Variants in GALK2 observed in about 807,000 individuals in gnomAD.
GALK2 encodes the protein N-acetylgalactosamine kinase.
In GALK2, 36 loss-of-function variants were observed where a neutral mutation model predicts 52.4. The observed-to-expected ratio is 0.69, with a 90% CI of 0.53 to 0.91. GALK2 has a LOEUF of 0.91. Ranked by LOEUF, GALK2 falls within the 40% of genes least tolerant of loss-of-function variation. The pLI is 0.00. For missense variants in GALK2, 579 were observed against 559.1 expected (o/e 1.04, Z -0.36); for synonymous variants, 176 against 199.1 (o/e 0.88, Z 0.98).
At chr15:49,225,318 G>A in intron 3 of GALK2, 1 of 447,330 alleles carries the variant, frequency 2.2e-6, no homozygotes, top group Non-Finnish European at 4.5e-6. Context: ...ACTGCTTCAT[G>A]GCCTGTTCAG....
At chr15:49,295,024 T>C (rs1438391006) in intron 8 of GALK2, among the ~76,000 whole-genome samples, 1 of 152,124 alleles carries the variant, frequency 6.6e-6, no homozygotes, top group Non-Finnish European at 1.5e-5. Flanking sequence ...AAACTATTGC[T>C]CTATACTCTA....
chr15:49,317,385 C>T (rs573238708), intron 8 of GALK2, among the ~76,000 whole-genome samples: 1 of 113,608 alleles, frequency 8.8e-6, no homozygotes, highest in African/African-American at 2.8e-5. Context: ...GTTAGAAAGG[C>T]GGTTATTAAA....
intron 2 of GALK2, among the ~76,000 whole-genome samples, chr15:49,208,541 T>G (rs192494469): frequency 2.8e-4 from 42 of 152,350 alleles, no homozygotes; most frequent in African/African-American, 9.6e-4. Flanking sequence ...TCAATTTTCT[T>G]AAATTTATTA....
rs1376622810 is a variant in GALK2 at position 49,201,200 on chromosome 15, G to T, written c.92G>T (p.Gly31Val). 3 of 1,609,716 alleles carry T rather than the reference G, an allele frequency of 1.9e-6. No homozygotes were observed. The East Asian group carries it at 6.7e-5, about 36-fold the overall frequency. The change falls in exon 2 of 10, where the codon GGA becomes GTA. Residue 31 changes from glycine (G) to valine (V), a missense_variant. By Grantham distance (109) the Gly-to-Val change is moderately radical (BLOSUM62 -3). Transcript: ENST00000560031. Reference sequence around the variant, plus strand: ...AAGGAGATGTTTAACTCCAAGTTTGGATCTATTCCCAAGTTTTATGTTCGA... The same window carrying T: ...AAGGAGATGTTTAACTCCAAGTTTGTATCTATTCCCAAGTTTTATGTTCGA... ...KLKEMFNSKFGSIPKFYVRAP... is the reference protein window; with the variant it reads ...KLKEMFNSKFVSIPKFYVRAP...
intron 5 of GALK2, among the ~76,000 whole-genome samples, chr15:49,261,367 T>C (rs2092101008): frequency 1.4e-5 from 2 of 146,300 alleles, no homozygotes; most frequent in South Asian, 2.3e-4. Context: ...AGCTGTCTGT[T>C]TGTCTGTTAT....
chr15:49,360,163 G>A (rs921782856), intron 3 of GALK2, among the ~76,000 whole-genome samples: 1 of 150,874 alleles, frequency 6.6e-6, no homozygotes, highest in Non-Finnish European at 1.5e-5. Context: ...TGGGTGCAGC[G>A]CACCAGCATG....
chr15:49,343,409 C>A (rs1365713338), intron 3 of GALK2, among the ~76,000 whole-genome samples: 3 of 152,134 alleles, frequency 2.0e-5, no homozygotes, highest in Non-Finnish European at 4.4e-5. Context: ...TCTCTTACTT[C>A]ATTTCCTGAA....
intron 1 of GALK2, among the ~76,000 whole-genome samples, chr15:49,163,550 T>G (rs2084723415): frequency 6.6e-6 from 1 of 152,256 alleles, no homozygotes; most frequent in Admixed American, 6.5e-5. Context: ...CATATGGATG[T>G]CAAATTGTTC....
chr15:49,264,398 C>T (rs966322367), intron 5 of GALK2, among the ~76,000 whole-genome samples: 24 of 152,278 alleles, frequency 1.6e-4, no homozygotes, highest in Non-Finnish European at 2.1e-4. Flanking sequence ...ACGTAGTTCT[C>T]GAGCCTTGGC....
chr15:49,178,209 A>G (rs2085640380), intron 1 of GALK2, among the ~76,000 whole-genome samples: 3 of 114,366 alleles, frequency 2.6e-5, no homozygotes, highest in Non-Finnish European at 5.3e-5. Context: ...ATATATATAT[A>G]TATATATATA....
At chr15:49,304,301 T>C (rs2035364145) in intron 8 of GALK2, among the ~76,000 whole-genome samples, 1 of 152,202 alleles carries the variant, frequency 6.6e-6, no homozygotes, top group Non-Finnish European at 1.5e-5. Context: ...ACTGGTAAGC[T>C]CAAACTGATT....
chr15:49,337,456 T>G (rs1465847861), intron 3 of GALK2, among the ~76,000 whole-genome samples: 1 of 150,798 alleles, frequency 6.6e-6, no homozygotes, highest in Non-Finnish European at 1.5e-5. Flanking sequence ...TGCTAAGCAT[T>G]TTTGCATATG....
chr15:49,248,138 C>A (rs565119140), intron 5 of GALK2, among the ~76,000 whole-genome samples: 18 of 152,214 alleles, frequency 1.2e-4, no homozygotes, highest in African/African-American at 4.1e-4. Flanking sequence ...TGAAATATTT[C>A]TTGGCCTTCA....
chr15:49,220,943 C>T (rs369454048), intron 3 of GALK2, among the ~76,000 whole-genome samples: 1 of 152,218 alleles, frequency 6.6e-6, no homozygotes, highest in African/African-American at 2.4e-5. Flanking sequence ...CTAGTTTTTA[C>T]TATCGAGTGT....
At chr15:49,180,884 A>G (rs914926840) in intron 1 of GALK2, among the ~76,000 whole-genome samples, 8 of 152,010 alleles carry the variant, frequency 5.3e-5, no homozygotes, top group African/African-American at 1.9e-4. Flanking sequence ...TACGGCTCAT[A>G]TCATATTCTG....
chr15:49,343,414 C>T (rs1270350462), intron 3 of GALK2, among the ~76,000 whole-genome samples: 1 of 152,034 alleles, frequency 6.6e-6, no homozygotes, highest in Non-Finnish European at 1.5e-5. Context: ...TACTTCATTT[C>T]CTGAATTGAT....
At chr15:49,173,276 T>C (rs978543953) in intron 1 of GALK2, among the ~76,000 whole-genome samples, 7 of 152,230 alleles carry the variant, frequency 4.6e-5, no homozygotes, top group Admixed American at 4.6e-4. Context: ...TTAAATAATA[T>C]TCTAGCTTAT....
chr15:49,209,005 A>G (rs1156501312), intron 2 of GALK2, among the ~76,000 whole-genome samples: 1 of 152,180 alleles, frequency 6.6e-6, no homozygotes, highest in African/African-American at 2.4e-5. Context: ...ATTTGCATGA[A>G]ATGCCTTTTT....
chr15:49,177,529 A>G (rs2085557810), intron 1 of GALK2: 1 of 163,980 alleles, frequency 6.1e-6, no homozygotes, highest in African/African-American at 2.4e-5. Flanking sequence ...TTAACAGACA[A>G]ATAATACTTG....
Sources: allele counts gnomAD v4.1 joint callset (sites outside exome capture counted in the v4.1 genomes callset), GRCh38; gene constraint gnomAD v4.1.1; transcripts MANE v1.5; gene names NCBI Gene and HGNC (gene_info 2026-07-23, HGNC 2026-07-21).